The following PDE6A variants were observed in gnomAD, a reference collection of about 807,000 sequenced individuals.
The protein encoded by PDE6A is phosphodiesterase 6A, also known as rod cGMP-specific 3',5'-cyclic phosphodiesterase subunit alpha.
A neutral mutation model predicts 106.3 loss-of-function variants in PDE6A; 84 were observed. The ratio of observed to expected loss-of-function variants is 0.79; its 90% CI spans 0.66 to 0.95. PDE6A has a LOEUF of 0.95. Ranked by LOEUF, PDE6A falls within the 40% of genes least tolerant of loss-of-function variation. The probability of loss-of-function intolerance (pLI) is 0.00; values close to 1 mark genes in which losing one functional copy is unlikely to be tolerated. For missense variants in PDE6A, 1,052 were observed against 1,084.9 expected, an observed-to-expected ratio of 0.97 and a Z score of 0.43; for synonymous variants, 394 against 386.6, an observed-to-expected ratio of 1.02 and a Z score of -0.23.
At chr5:149,901,066 C>T (rs536487761) in intron 8 of PDE6A, among the ~76,000 whole-genome samples, 2 of 152,242 alleles carry the variant, frequency 1.3e-5, no homozygotes, top group African/African-American at 4.8e-5. Context: ...CAGATGCCCA[C>T]TACCACGCTC....
At chr5:149,910,350 G>T (rs56360717) in intron 6 of PDE6A, among the ~76,000 whole-genome samples, 14,328 of 152,138 alleles carry the variant, frequency 0.094, 857 homozygotes, top group East Asian at 0.17. Context: ...ATCATATCTT[G>T]GGAGTAATCA....
chr5:149,873,003 G>A (rs893216726), intron 17 of PDE6A, among the ~76,000 whole-genome samples: 6 of 152,116 alleles, frequency 3.9e-5, no homozygotes, highest in African/African-American at 4.8e-5. Context: ...GGGCCAGCTC[G>A]TCCATTCAAC....
rs184759680 is a variant in PDE6A, at chr5:149,926,620, A to G, written c.858+4408T>C. On this transcript the variant is annotated intron_variant, in intron 4 of 21. Coordinates refer to ENST00000255266, the MANE Select transcript of PDE6A (RefSeq NM_000440.3). ...CACAAGAATCAATGACTATAAAGGA[A>G]AAGATTGATAAATTGAACTACATTA... Among the ~76,000 whole-genome samples the G allele has an allele frequency of 6.6e-5, 10 of 152,340 alleles. 1 individual carries two copies. Among genetic ancestry groups the G allele is most frequent in the Admixed American group, 5.9e-4 (9 of 15,304 alleles).
intron 6 of PDE6A, among the ~76,000 whole-genome samples, chr5:149,909,040 T>C (rs561732744): frequency 6.6e-6 from 1 of 152,328 alleles, no homozygotes; most frequent in African/African-American, 2.4e-5. Context: ...CTTATTCTTT[T>C]TTTCAAGATA....
intron 17 of PDE6A, among the ~76,000 whole-genome samples, chr5:149,877,728 G>C (rs1466841021): frequency 6.6e-6 from 1 of 152,190 alleles, no homozygotes; most frequent in Non-Finnish European, 1.5e-5. Flanking sequence ...GATTTATAAT[G>C]CCTTAATTAT....
chr5:149,942,163 G>A (rs1169976349), intron 1 of PDE6A, among the ~76,000 whole-genome samples: 1 of 151,976 alleles, frequency 6.6e-6, no homozygotes, highest in Non-Finnish European at 1.5e-5. Flanking sequence ...GGACCTCCCT[G>A]TGTTGCCCAG....
At chr5:149,932,652 G>A in intron 3 of PDE6A, 11 of 1,613,256 alleles carry the variant, frequency 6.8e-6, no homozygotes, top group Middle Eastern at 3.3e-4. Flanking sequence ...GTACGAATTC[G>A]ACTAATTTCT....
At chr5:149,897,950 T>C (rs6884922) in intron 10 of PDE6A, among the ~76,000 whole-genome samples, 13,324 of 152,180 alleles carry the variant, frequency 0.088, 1,937 homozygotes, top group African/African-American at 0.3. Flanking sequence ...GATAATTGTC[T>C]ACTGGTCTTC....
At chr5:149,885,046 A>G (rs1204210907) in intron 14 of PDE6A, among the ~76,000 whole-genome samples, 179 bp from the exon 15 acceptor site, 1 of 152,226 alleles carries the variant, frequency 6.6e-6, no homozygotes, top group Non-Finnish European at 1.5e-5. Flanking sequence ...GAAAGCCACA[A>G]ACACACACAA....
In PDE6A at chr5:149,921,621, C is replaced by T. The variant is rs1753724108; in HGVS notation, c.933+14G>A. ...ATATATTAAATCATACTGAAAAGGT[C>T]AGAGAGAACGTACTCTTCCATCCGG... On this transcript the variant is annotated intron_variant, in intron 5 of 21. Coordinates refer to ENST00000255266, the MANE Select transcript of PDE6A (RefSeq NM_000440.3). 1 of 1,602,936 alleles carries T rather than the reference C, an allele frequency of 6.2e-7. No homozygotes were observed. The highest frequency in any genetic ancestry group is 8.5e-7 in the Non-Finnish European group (1 of 1,170,036).
intron 4 of PDE6A, among the ~76,000 whole-genome samples, chr5:149,926,979 CA>C (rs539891462): frequency 1.6e-3 from 113 of 70,462 alleles, no homozygotes; most frequent in Middle Eastern, 0.017. Context: ...ACTCCGTCTC[CA>C]AAAAAAAAAA....
intron 8 of PDE6A, among the ~76,000 whole-genome samples, chr5:149,902,089 A>G (rs929548482): frequency 6.6e-6 from 1 of 152,214 alleles, no homozygotes; most frequent in Admixed American, 6.5e-5. Context: ...AGGAAAATAC[A>G]TAAGAGACAC....
Position 149,863,354 on chromosome 5 carries a change from C to A in PDE6A, c.2359-88G>T, listed in dbSNP as rs943715485. On this transcript the variant is annotated intron_variant, in intron 20 of 21. Transcript: ENST00000255266. The surrounding 1 kb of genome is among the most constrained non-coding windows in gnomAD (Gnocchi z 4.7). The stretch of plus-strand genomic sequence containing the variant: ...GTGGCACAGCTGGAAACGTCCAACA[C>A]TGGAATGAGCTGCTTCGGAGTAGCA... 1 of 1,330,394 alleles carries A rather than the reference C, an allele frequency of 7.5e-7. No homozygotes were observed. Among genetic ancestry groups the A allele is most frequent in the Non-Finnish European group, 1.1e-6 (1 of 932,862 alleles). 82.4% of individuals were successfully genotyped at this position (1,330,394 alleles called of 1,614,324 possible). A position where few individuals can be genotyped will look rare whatever the true frequency, so the allele number is the denominator to read the frequency against.
rs186688675 is a variant in PDE6A, at chr5:149,899,151, G to A, written c.1263+224C>T. On this transcript the variant is annotated intron_variant, in intron 9 of 21. Transcript: ENST00000255266. ...CAAAGTGCTGGGATTACAGGTGAGA[G>A]CCACCATGCTCAGCTTAATTACATT... Among the ~76,000 whole-genome samples, 142 of 152,322 alleles carry A rather than the reference G, an allele frequency of 9.3e-4. 1 individual carries two copies. The Middle Eastern group carries it at 0.017, about 18-fold the overall frequency.
At chr5:149,941,968 C>T (rs148628166) in intron 1 of PDE6A, among the ~76,000 whole-genome samples, 2,417 of 151,762 alleles carry the variant, frequency 0.016, 66 homozygotes, top group African/African-American at 0.054. Flanking sequence ...CTTTTCCTTT[C>T]CTTTCCTTTT....
chr5:149,920,307 G>T (rs924446639), intron 5 of PDE6A, among the ~76,000 whole-genome samples: 2 of 152,158 alleles, frequency 1.3e-5, no homozygotes, highest in Non-Finnish European at 2.9e-5. Flanking sequence ...GGGGCCGGGC[G>T]CAGTGGCTCA....
intron 2 of PDE6A, among the ~76,000 whole-genome samples, chr5:149,934,300 A>G (rs1754125780): frequency 6.6e-6 from 1 of 152,288 alleles, no homozygotes; most frequent in Non-Finnish European, 1.5e-5. Context: ...TTTTACAAAT[A>G]AGAAAACCAA....
At chr5:149,875,994 ATG>A (rs985934194) in intron 17 of PDE6A, among the ~76,000 whole-genome samples, 5 of 152,154 alleles carry the variant, frequency 3.3e-5, no homozygotes, top group Admixed American at 1.3e-4. Context: ...CTGTATATAT[ATG>A]TGTGTGTGTA....
chr5:149,894,607 C>T (rs964295208), intron 13 of PDE6A, among the ~76,000 whole-genome samples: 2 of 150,946 alleles, frequency 1.3e-5, no homozygotes, highest in East Asian at 1.9e-4. Flanking sequence ...AAGACTATAA[C>T]CATGACCAAT....
Sources: gnomAD v4.1 joint callset for allele counts (sites outside exome capture counted in the v4.1 genomes callset) on GRCh38, gnomAD v4.1.1 for gene constraint, Gnocchi (gnomAD v3.1) non-coding constraint, MANE v1.5 for transcripts, NCBI Gene and HGNC (gene_info 2026-07-23, HGNC 2026-07-21) for gene names.